Variants in DAB1 observed in about 807,000 individuals in gnomAD.
DAB1 encodes disabled homolog 1.
DAB1 carries 15 observed loss-of-function variants against 64.6 expected under a neutral mutation model. That is an observed-to-expected ratio of 0.23 (90% CI 0.16 to 0.36). The LOEUF (loss-of-function observed/expected upper bound fraction) is 0.36. Ranked by LOEUF, DAB1 falls within the 10% of genes least tolerant of loss-of-function variation. DAB1 has a pLI of 1.00. For missense variants in DAB1, 596 were observed against 706.7 expected (o/e 0.84, Z 1.78); for synonymous variants, 235 against 251.9 (o/e 0.93, Z 0.64).
intron 2 of DAB1, among the ~76,000 whole-genome samples, chr1:57,203,835 G>C (rs1170972520): frequency 6.6e-6 from 1 of 152,194 alleles, no homozygotes; most frequent in African/African-American, 2.4e-5. Flanking sequence ...TAGACAAGGA[G>C]CTAAGACCTC....
At chr1:57,745,737 T>C (rs541596552) in intron 6 of DAB1, among the ~76,000 whole-genome samples, 139 of 152,362 alleles carry the variant, frequency 9.1e-4, no homozygotes, top group Middle Eastern at 3.4e-3. Flanking sequence ...ACAGTTGTTT[T>C]AAATCTTTTT....
At chr1:57,814,089 T>C (rs1293483816) in intron 6 of DAB1, among the ~76,000 whole-genome samples, 3 of 152,178 alleles carry the variant, frequency 2.0e-5, no homozygotes, top group South Asian at 4.1e-4. Context: ...TATTTTTTCA[T>C]CAGGCTCCCG....
chr1:57,026,149 A>G (rs2100394977), intron 9 of DAB1, 106 bp from the exon 10 acceptor site: 1 of 816,350 alleles, frequency 1.2e-6, no homozygotes, highest in Non-Finnish European at 2.0e-6. Flanking sequence ...GTTTTTCATC[A>G]TCTCTAGATA....
chr1:58,068,765 C>CAAA (rs35122490), intron 5 of DAB1, among the ~76,000 whole-genome samples: 1 of 85,396 alleles, frequency 1.2e-5, no homozygotes, highest in African/African-American at 4.0e-5. Flanking sequence ...GACTCCATCT[C>CAAA]AAAAAAAAAA....
chr1:58,482,802 T>G (rs1479715172), intron 3 of DAB1, among the ~76,000 whole-genome samples: 1 of 151,936 alleles, frequency 6.6e-6, no homozygotes, highest in East Asian at 1.9e-4. Context: ...CTGGGGTGTT[T>G]TGGAACAGTG....
At chr1:57,929,283 T>C (rs1644922366) in intron 5 of DAB1, among the ~76,000 whole-genome samples, 1 of 152,262 alleles carries the variant, frequency 6.6e-6, no homozygotes, top group South Asian at 2.1e-4. Flanking sequence ...AACTGGGTTG[T>C]CTGTGTTCTT....
At chr1:58,413,509 G>T (rs1299572980) in intron 3 of DAB1, among the ~76,000 whole-genome samples, 1 of 152,072 alleles carries the variant, frequency 6.6e-6, no homozygotes, top group Admixed American at 6.5e-5. Flanking sequence ...CCATCAAACT[G>T]CACTGTCTCC....
At chr1:57,821,900 A>G (rs575308262), downstream of DAB1, among the ~76,000 whole-genome samples, 1 of 152,346 alleles carries the variant, frequency 6.6e-6, no homozygotes, top group African/African-American at 2.4e-5. Flanking sequence ...ATGAGGACTT[A>G]ATTAATAACT....
intron 1 of DAB1, among the ~76,000 whole-genome samples, chr1:57,327,761 C>CGG (rs1029782867): frequency 8.5e-5 from 13 of 152,122 alleles, no homozygotes; most frequent in Non-Finnish European, 1.3e-4. Context: ...GGTAGCTCAA[C>CGG]GGTGGCCTCT....
chr1:58,066,217 T>C (rs1437401292), intron 5 of DAB1, among the ~76,000 whole-genome samples: 1 of 151,992 alleles, frequency 6.6e-6, no homozygotes, highest in Non-Finnish European at 1.5e-5. Context: ...AAACAACAAA[T>C]GAATAACATG....
At chr1:58,111,279 A>G (rs1427211778) in intron 5 of DAB1, among the ~76,000 whole-genome samples, 4 of 152,234 alleles carry the variant, frequency 2.6e-5, no homozygotes, top group East Asian at 1.9e-4. Flanking sequence ...GCCACAAATC[A>G]AATAAGAATG....
At chr1:58,516,353 C>A (rs905852891) in intron 2 of DAB1, among the ~76,000 whole-genome samples, 2 of 152,150 alleles carry the variant, frequency 1.3e-5, no homozygotes, top group African/African-American at 4.8e-5. Flanking sequence ...ATAATGACTG[C>A]AAAGTGTCAA....
At chr1:58,114,188 G>A (rs1419226722) in intron 5 of DAB1, among the ~76,000 whole-genome samples, 1 of 152,120 alleles carries the variant, frequency 6.6e-6, no homozygotes, top group African/African-American at 2.4e-5. Context: ...GAACCTGGGA[G>A]GTGGTGGAGG....
chr1:58,387,786 G>A (rs1411097362), intron 3 of DAB1, among the ~76,000 whole-genome samples: 2 of 147,528 alleles, frequency 1.4e-5, no homozygotes, highest in African/African-American at 2.5e-5. Flanking sequence ...GAGTGCAGTG[G>A]TGCAATCTCG....
At chr1:57,237,628 G>C (rs1364217286) in intron 2 of DAB1, among the ~76,000 whole-genome samples, 1 of 152,022 alleles carries the variant, frequency 6.6e-6, no homozygotes, top group African/African-American at 2.4e-5. Context: ...ATCACTTCAT[G>C]GTTTATGAAA....
chr1:57,411,617 G>A (rs191680067), intron 1 of DAB1, among the ~76,000 whole-genome samples: 1 of 152,218 alleles, frequency 6.6e-6, no homozygotes, highest in African/African-American at 2.4e-5. Flanking sequence ...GAAACCCAGA[G>A]ATGTCTTTCA....
intron 7 of DAB1, among the ~76,000 whole-genome samples, chr1:57,488,727 G>A (rs1435488000): frequency 2.6e-5 from 4 of 151,850 alleles, no homozygotes; most frequent in Non-Finnish European, 5.9e-5. Flanking sequence ...TTATATAGGT[G>A]CTGCACTGCC....
chr1:58,042,986 G>A (rs1417107566), intron 5 of DAB1, among the ~76,000 whole-genome samples: 2 of 152,226 alleles, frequency 1.3e-5, no homozygotes, highest in African/African-American at 4.8e-5. Context: ...GCTAATAGCT[G>A]AAATGTGGTG....
intron 9 of DAB1, among the ~76,000 whole-genome samples, chr1:57,042,257 T>C (rs188604272): frequency 9.8e-5 from 15 of 152,320 alleles, no homozygotes; most frequent in Middle Eastern, 3.4e-3. Flanking sequence ...TCGACTGTTT[T>C]TGATTGATTG....
Sources: gnomAD v4.1 joint callset for allele counts (sites outside exome capture counted in the v4.1 genomes callset) on GRCh38, gnomAD v4.1.1 for gene constraint, MANE v1.5 for transcripts, NCBI Gene and HGNC (gene_info 2026-07-23, HGNC 2026-07-21) for gene names.